The following GAGE10 variants were observed in gnomAD, a reference collection of about 807,000 sequenced individuals.
GAGE10 encodes the protein G antigen 10.
A neutral mutation model predicts 11.5 loss-of-function variants in GAGE10; 9 were observed. The observed-to-expected ratio is 0.78, with a 90% confidence interval of 0.47 to 1.37. GAGE10 has a LOEUF of 1.37. Among genes scored for constraint, GAGE10 ranks in the 40% most tolerant of loss-of-function variants. The pLI, the probability that GAGE10 is intolerant of heterozygous loss-of-function variation, is 0.00. For missense variants in GAGE10, 83 were observed against 92.9 expected, an observed-to-expected ratio of 0.89 and a Z score of 0.44; for synonymous variants, 23 against 29.7, an observed-to-expected ratio of 0.77 and a Z score of 0.73.
At chrX:49,307,482 T>C (rs2066361626) in intron 3 of GAGE10, among the ~76,000 whole-genome samples, 1 of 109,845 alleles carries the variant, frequency 9.1e-6, no homozygotes, top group African/African-American at 3.3e-5. Flanking sequence ...TTCCTTTTTT[T>C]TTTTTTCCTT....
intron 3 of GAGE10, among the ~76,000 whole-genome samples, chrX:49,312,032 C>T (rs1208945912): frequency 8.9e-6 from 1 of 112,419 alleles, no homozygotes; most frequent in Admixed American, 9.4e-5. Flanking sequence ...ACTATAAATA[C>T]GGCCTGTGGA....
intron 3 of GAGE10, among the ~76,000 whole-genome samples, chrX:49,309,080 T>G (rs2066367072): frequency 1.8e-5 from 2 of 111,521 alleles, no homozygotes; most frequent in Admixed American, 1.9e-4. Flanking sequence ...TAGGACCAGC[T>G]CCATGGCCAC....
At chrX:49,305,703 T>C (rs2066354240) in intron 3 of GAGE10, among the ~76,000 whole-genome samples, 179 bp downstream of exon 3, 2 of 112,770 alleles carry the variant, frequency 1.8e-5, no homozygotes, top group Admixed American at 9.3e-5. Flanking sequence ...CTATGTAGTT[T>C]GCAGCTTAGC....
At chrX:49,309,250 G>A (rs1194984932) in intron 3 of GAGE10, among the ~76,000 whole-genome samples, 2 of 112,206 alleles carry the variant, frequency 1.8e-5, no homozygotes, top group African/African-American at 3.2e-5. Flanking sequence ...CCTTTGGAGT[G>A]CATGATGAAA....
chrX:49,310,569 C>T (rs2147986680), intron 3 of GAGE10, among the ~76,000 whole-genome samples: 1 of 111,855 alleles, frequency 8.9e-6, no homozygotes, highest in African/African-American at 3.2e-5. Flanking sequence ...AGTTGTGGTG[C>T]TTCCGAGGCA....
At chrX:49,306,314 T>G (rs1447486555) in intron 3 of GAGE10, among the ~76,000 whole-genome samples, 5 of 112,221 alleles carry the variant, frequency 4.5e-5, no homozygotes, top group South Asian at 3.7e-4. Flanking sequence ...ATTGCTGTCC[T>G]CCCACTCCCT....
At chrX:49,313,115 T>C (rs1170492658) in intron 3 of GAGE10, among the ~76,000 whole-genome samples, 14 of 112,033 alleles carry the variant, frequency 1.2e-4, no homozygotes, top group Non-Finnish European at 2.6e-4. Flanking sequence ...ACAAAGGTGC[T>C]ACTAAAAGAC....
In GAGE10 at chrX:49,312,233, C is replaced by A. The variant is rs149598109; in HGVS notation, c.203-4930C>A. Among the ~76,000 whole-genome samples the A allele has an allele frequency of 1.2e-3, 134 of 112,079 alleles. 1 individual carries two copies. The East Asian group carries it at 0.033, about 28-fold the overall frequency. The stretch of plus-strand genomic sequence containing the variant: ...GATATGCAGGGTATGCAGTAGTGAC[C>A]CAATACTCGGTGGTTGAGGCTCAAG... On this transcript the variant is annotated intron_variant, in intron 3 of 4. Coordinates refer to ENST00000407599, the MANE Select transcript of GAGE10 (RefSeq NM_001098413.4).
At chrX:49,317,818 A>G (rs2066400065) in intron 4 of GAGE10, among the ~76,000 whole-genome samples, 1 of 101,745 alleles carries the variant, frequency 9.8e-6, no homozygotes, top group Non-Finnish European at 2.0e-5. Flanking sequence ...TTTGAGTATA[A>G]ATCCTTAAAC....
intron 1 of GAGE10, among the ~76,000 whole-genome samples, chrX:49,304,570 C>T (rs1191688585): frequency 1.8e-5 from 2 of 111,177 alleles, no homozygotes; most frequent in East Asian, 5.6e-4. Context: ...CGCCGCTGCA[C>T]TCTGCCAGAG....
At chrX:49,313,172 G>A (rs1339690251) in intron 3 of GAGE10, among the ~76,000 whole-genome samples, 3 of 112,240 alleles carry the variant, frequency 2.7e-5, no homozygotes, top group Non-Finnish European at 5.6e-5. Flanking sequence ...TCAGACAGTG[G>A]TCCTGCATTT....
intron 1 of GAGE10, among the ~76,000 whole-genome samples, chrX:49,304,577 A>T (rs189598121): frequency 0.018 from 2,009 of 112,224 alleles, 47 homozygotes; most frequent in African/African-American, 0.062. Flanking sequence ...GCACTCTGCC[A>T]GAGCAACACA....
intron 3 of GAGE10, among the ~76,000 whole-genome samples, chrX:49,307,441 A>C (rs4824753): frequency 0.099 from 10,929 of 109,980 alleles, 526 homozygotes; most frequent in South Asian, 0.26. Context: ...TGTATACTCA[A>C]ATTTCGCCAG....
Position 49,317,195 on chromosome X carries a change from G to T in GAGE10, c.235G>T (p.Val79Phe), listed in dbSNP as rs1259659496. 4.2e-6 allele frequency: 5 copies of T among 1,204,602 alleles called. No homozygotes were observed. Among genetic ancestry groups the T allele is most frequent in the East Asian group, 3.0e-5 (1 of 33,660 alleles). Residue 79 changes from valine (V) to phenylalanine (F), a missense_variant, in exon 4 of 5, where the codon GTT becomes TTT. By Grantham distance (50) the Val-to-Phe change is conservative. Around this residue, in one of 3 missense-constraint regions of GAGE10, gnomAD observed 66 missense variants for 35.4 expected, o/e 1.87. Transcript: ENST00000407599. Reference protein sequence around the residue: ...PKPEADSQEQVHPKTGCECGD... With the variant: ...PKPEADSQEQFHPKTGCECGD... ...GCCTGAAGCTGATAGCCAGGAACAG[G>T]TTCACCCAAAGACTGGGTGTGAGTG...
chrX:49,306,730 C>T (rs782378544), intron 3 of GAGE10, among the ~76,000 whole-genome samples: 2 of 111,795 alleles, frequency 1.8e-5, no homozygotes, highest in Admixed American at 9.5e-5. Context: ...ATGCTGTGCA[C>T]GCATAGTCCC....
intron 3 of GAGE10, among the ~76,000 whole-genome samples, chrX:49,308,127 C>G (rs1282997622): frequency 1.8e-5 from 2 of 112,666 alleles, no homozygotes; most frequent in African/African-American, 6.5e-5. Flanking sequence ...CCCTGCCCCA[C>G]GAAATGCTTA....
intron 3 of GAGE10, among the ~76,000 whole-genome samples, chrX:49,311,069 A>G (rs5906777): frequency 0.44 from 48,005 of 109,100 alleles, 9,066 homozygotes; most frequent in Non-Finnish European, 0.59. Context: ...TACCGGAGCC[A>G]GACCTACACA....
intron 3 of GAGE10, 39 bp from the exon 4 acceptor site, chrX:49,317,124 T>A (rs2066394880): frequency 8.6e-7 from 1 of 1,165,461 alleles, no homozygotes; most frequent in South Asian, 1.8e-5. Flanking sequence ...ATATTTCATG[T>A]TTTACTGCTT....
intron 3 of GAGE10, among the ~76,000 whole-genome samples, chrX:49,313,396 G>C (rs1290795976): frequency 2.0e-4 from 22 of 111,928 alleles, no homozygotes; most frequent in African/African-American, 6.8e-4. Context: ...AAAACAAACT[G>C]GGTACTCACC....
Sources: allele counts gnomAD v4.1 joint callset (sites outside exome capture counted in the v4.1 genomes callset), GRCh38; gene constraint gnomAD v4.1.1; regional missense constraint gnomAD v4.1.1; transcripts MANE v1.5; gene names NCBI Gene and HGNC (gene_info 2026-07-23, HGNC 2026-07-21).